Variants in BET1 observed in about 807,000 individuals in gnomAD.
BET1 encodes Bet1 golgi vesicular membrane trafficking protein, also known as BET1 homolog.
Under a neutral mutation model 13.9 loss-of-function variants are expected in BET1, and 9 were observed. That is an observed-to-expected ratio of 0.65 (90% CI 0.39 to 1.13). The LOEUF is 1.13. Ranked by LOEUF, BET1 falls within the 50% of genes most tolerant of loss-of-function variation. The pLI, the probability that BET1 is intolerant of heterozygous loss-of-function variation, is 0.01. For missense variants in BET1, 127 were observed against 133.6 expected, an observed-to-expected ratio of 0.95 and a Z score of 0.24; for synonymous variants, 39 against 47.3, an observed-to-expected ratio of 0.82 and a Z score of 0.72.
rs574538227 is a variant in BET1, at chr7:93,987,495, C to T, written c.235+6857G>A. 2.0e-5 allele frequency among the ~76,000 whole-genome samples: 3 copies of T among 152,204 alleles called. No homozygotes were observed. In the East Asian group the frequency reaches 5.8e-4, roughly 29 times the overall value. On this transcript the variant is annotated intron_variant and NMD_transcript_variant, in intron 4 of 6. Transcript: ENST00000357520. ...TGGACAGAATCCAAGCTGGCATCATCTTCACTGTGGCTGGGTCATAGATTA... is the reference window on the plus strand; with the variant it reads ...TGGACAGAATCCAAGCTGGCATCATTTTCACTGTGGCTGGGTCATAGATTA...
At chr7:93,981,885 T>C (rs1208006247) in intron 4 of BET1, among the ~76,000 whole-genome samples, 1 of 152,108 alleles carries the variant, frequency 6.6e-6, no homozygotes, top group Admixed American at 6.6e-5. Context: ...CATTAAACTA[T>C]AAGACCAGTG....
downstream of BET1, chr7:93,991,677 A>G (rs116063461): frequency 6.2e-5 from 33 of 532,042 alleles, no homozygotes; most frequent in African/African-American, 6.8e-4. Context: ...TGGAGAGGTC[A>G]TCAGCCCAAA....
At position 93,999,274 on chromosome 7, in the gene BET1, T is replaced by C; in HGVS notation, c.40A>G (p.Asn14Asp). 6.2e-7 allele frequency: 1 copy of C among 1,611,770 alleles called. No homozygotes were observed. Reference protein sequence around the residue: ...AGLGEGVPPGNYGNYGYANSG... With the variant: ...AGLGEGVPPGDYGNYGYANSG... The stretch of plus-strand genomic sequence containing the variant: ...TTAGCATAGCCATAGTTCCCATAGT[T>C]GCCAGGAGGTACTCCTTCACCTGCA... Residue 14 changes from asparagine to aspartate, a missense_variant, in exon 2 of 4, where the codon AAC becomes GAC. By Grantham distance (23) the Asn-to-Asp change is conservative (BLOSUM62 1). Coordinates refer to ENST00000222547, the MANE Select transcript of BET1 (RefSeq NM_005868.6).
chr7:93,994,177 T>G lies in BET1; in HGVS notation c.*53A>C. ...GTTTTGATGCTGATTTTTATCAAAG[T>G]GGTACTGCAAGCCATTAAGTTGGAA... On this transcript the variant is annotated 3_prime_UTR_variant, in exon 4 of 4. Transcript: ENST00000222547. 1.3e-6 allele frequency: 2 copies of G among 1,550,768 alleles called. No homozygotes were observed. The highest frequency in any genetic ancestry group is 1.7e-6 in the Non-Finnish European group (2 of 1,150,466).
intron 6 of BET1, among the ~76,000 whole-genome samples, chr7:93,971,052 T>G (rs1164597612): frequency 6.6e-6 from 1 of 151,844 alleles, no homozygotes; most frequent in Admixed American, 6.6e-5. Flanking sequence ...TATGTTATTA[T>G]GTTATTAAGC....
chr7:93,965,103 C>T (rs1795153292), exon 7 of BET1: 1 of 152,050 alleles, frequency 6.6e-6, no homozygotes, highest in Non-Finnish European at 1.5e-5. Flanking sequence ...CGGAGCTACA[C>T]ATGTTGGCTG....
downstream of BET1, chr7:93,992,443 T>C: frequency 1.0e-6 from 1 of 985,406 alleles, no homozygotes; most frequent in Non-Finnish European, 1.2e-6. Flanking sequence ...TTTTCATTTT[T>C]AAGTCATTTT....
At chr7:93,989,611 G>A (rs1021023715), downstream of BET1, among the ~76,000 whole-genome samples, 56 of 152,256 alleles carry the variant, frequency 3.7e-4, no homozygotes, top group African/African-American at 1.3e-3. Flanking sequence ...GGTTGTGAAT[G>A]CAAACAAAAT....
At chr7:93,975,558 A>G (rs1313075759) in intron 5 of BET1, among the ~76,000 whole-genome samples, 4 of 152,096 alleles carry the variant, frequency 2.6e-5, no homozygotes, top group Admixed American at 1.3e-4. Flanking sequence ...TCGTGTTTTA[A>G]TTTTAAAAGA....
intron 5 of BET1, among the ~76,000 whole-genome samples, chr7:93,975,376 T>TG (rs1442986023): frequency 3.9e-5 from 6 of 152,092 alleles, no homozygotes; most frequent in Admixed American, 2.0e-4. Context: ...ACTAGAATAT[T>TG]GAGAATAGCT....
chr7:93,988,778 A>G (rs995755701), downstream of BET1, among the ~76,000 whole-genome samples: 3 of 151,822 alleles, frequency 2.0e-5, no homozygotes, highest in African/African-American at 7.3e-5. Context: ...GACTATATTA[A>G]TACAAAAAGG....
chr7:93,965,989 CACTG>C (rs746109552), intron 6 of BET1, among the ~76,000 whole-genome samples: 1 of 151,968 alleles, frequency 6.6e-6, no homozygotes, highest in East Asian at 1.9e-4. Context: ...CCTCCGCCAC[CACTG>C]ACTAAGTACT....
In BET1 at chr7:94,004,329, C is replaced by A. The variant is rs1389761004; in HGVS notation, c.-113G>T. On this transcript the variant is annotated 5_prime_UTR_variant, in exon 1 of 4. Transcript: ENST00000222547. ...CCAGGGCCCAGCGAAACACCAACTT[C>A]TTCCCCTAAAGCGCCACGACATCAG... is the stretch of plus-strand genomic sequence containing the variant. 1 of 1,444,116 alleles carries A rather than the reference C, an allele frequency of 6.9e-7. No individual in the cohort carries two copies. Among genetic ancestry groups the A allele is most frequent in the Non-Finnish European group, 9.7e-7 (1 of 1,029,064 alleles). The allele number at this position is 1,444,116 out of a possible 1,614,324, so 89.5% of individuals were successfully genotyped here. A position where few individuals can be genotyped will look rare whatever the true frequency, so the allele number is the denominator to read the frequency against.
At chr7:93,998,855 T>TA (rs76662536) in intron 2 of BET1, among the ~76,000 whole-genome samples, 44,552 of 151,906 alleles carry the variant, frequency 0.29, 7,380 homozygotes, top group East Asian at 0.46. Context: ...AAGGCTAGAT[T>TA]AAAAAAAGCA....
At chr7:93,995,086 T>C (rs758007781) in intron 3 of BET1, among the ~76,000 whole-genome samples, 1 of 152,216 alleles carries the variant, frequency 6.6e-6, no homozygotes, top group Non-Finnish European at 1.5e-5. Flanking sequence ...CCTCAGGTAA[T>C]CCGCCCACCT....
chr7:94,000,698 C>T (rs745882812), intron 1 of BET1, among the ~76,000 whole-genome samples: 5 of 151,960 alleles, frequency 3.3e-5, no homozygotes, highest in African/African-American at 4.8e-5. Context: ...ATTGAGGTTG[C>T]AGAAAAACGG....
At chr7:93,999,629 A>G (rs1016410530) in intron 1 of BET1, 2 of 457,488 alleles carry the variant, frequency 4.4e-6, no homozygotes, top group African/African-American at 4.0e-5. Context: ...TATTTTAATG[A>G]AAGTTCTAAA....
At chr7:93,972,667 C>A (rs535501571) in intron 5 of BET1, 1 of 151,772 alleles carries the variant, frequency 6.6e-6, no homozygotes, top group Non-Finnish European at 1.5e-5. Context: ...AGGATTCCTG[C>A]ATGGAGATAA....
exon 7 of BET1, chr7:93,965,095 G>C (rs1795153150): frequency 6.6e-6 from 1 of 152,002 alleles, no homozygotes; most frequent in Admixed American, 6.6e-5. Context: ...CATGTGCCCG[G>C]AGCTACACAT....
Sources: allele counts gnomAD v4.1 joint callset (sites outside exome capture counted in the v4.1 genomes callset), GRCh38; gene constraint gnomAD v4.1.1; transcripts MANE v1.5; gene names NCBI Gene and HGNC (gene_info 2026-07-23, HGNC 2026-07-21).